The following ASIP variants were observed in gnomAD, a reference collection of about 807,000 sequenced individuals.
ASIP encodes agouti signaling protein.
In ASIP, 11 loss-of-function variants were observed where a neutral mutation model predicts 10.3. That is an observed-to-expected ratio of 1.07 (90% confidence interval 0.68 to 1.78). ASIP has a LOEUF of 1.78. Ranked by LOEUF, ASIP falls within the 40% of genes most tolerant of loss-of-function variation. ASIP has a pLI of 0.00. For missense variants in ASIP, 180 were observed against 169.2 expected (o/e 1.06, Z -0.35); for synonymous variants, 70 against 70.8 (o/e 0.99, Z 0.06).
rs1309013423 is a variant in ASIP at position 34,230,705 on chromosome 20, C to A, written c.-10-29660C>A. On this transcript the variant is annotated intron_variant, in intron 1 of 3. Transcript: ENST00000568305. Reference sequence around the variant, plus strand: ...ACCCCTCACCTCCCGGAAGGGGCGGCTGGCCGGGCGGGGGGCTGACCCCCC... The same window carrying A: ...ACCCCTCACCTCCCGGAAGGGGCGGATGGCCGGGCGGGGGGCTGACCCCCC... 8.5e-5 allele frequency among the ~76,000 whole-genome samples: 3 copies of A among 35,172 alleles called. 1 individual carries two copies. Among genetic ancestry groups the A allele is most frequent in the African/African-American group, 4.8e-4 (2 of 4,166 alleles). 23.1% of individuals were successfully genotyped at this position (35,172 alleles called of 152,430 possible).
At chr20:34,253,406 T>A (rs2035513318) in intron 1 of ASIP, among the ~76,000 whole-genome samples, 1 of 151,336 alleles carries the variant, frequency 6.6e-6, no homozygotes, top group African/African-American at 2.4e-5. Flanking sequence ...GCGCCCAGCC[T>A]GATCTCTCTT....
intron 1 of ASIP, among the ~76,000 whole-genome samples, chr20:34,227,155 C>A (rs80216391): frequency 6.6e-6 from 1 of 151,866 alleles, no homozygotes; most frequent in African/African-American, 2.4e-5. Context: ...TTGAAGCATA[C>A]AAGATTAATA....
At chr20:34,238,562 GT>G (rs948874832), upstream of ASIP, among the ~76,000 whole-genome samples, 1 of 151,616 alleles carries the variant, frequency 6.6e-6, no homozygotes, top group African/African-American at 2.4e-5. Context: ...GCTTGTACTT[GT>G]TTTTTTCACT....
chr20:34,227,957 A>G (rs1384876171), intron 1 of ASIP, among the ~76,000 whole-genome samples: 1 of 152,238 alleles, frequency 6.6e-6, no homozygotes, highest in South Asian at 2.1e-4. Context: ...AGACTCACAC[A>G]TGTATGGTCA....
intron 3 of ASIP, among the ~76,000 whole-genome samples, chr20:34,267,875 T>C (rs2122685366): frequency 6.6e-6 from 1 of 152,288 alleles, no homozygotes; most frequent in Non-Finnish European, 1.5e-5. Flanking sequence ...AATTGTAATA[T>C]TTTATTTAAC....
At chr20:34,251,564 G>A (rs371173330) in intron 1 of ASIP, among the ~76,000 whole-genome samples, 11 of 152,242 alleles carry the variant, frequency 7.2e-5, no homozygotes, top group South Asian at 4.2e-4. Flanking sequence ...ATGAGCCACC[G>A]CGCCTGACCT....
upstream of ASIP, among the ~76,000 whole-genome samples, chr20:34,238,623 A>T (rs1043207881): frequency 2.0e-5 from 3 of 151,796 alleles, no homozygotes; most frequent in Non-Finnish European, 4.4e-5. Context: ...AATTGTTTTA[A>T]TATATTTGTC....
intron 1 of ASIP, among the ~76,000 whole-genome samples, chr20:34,196,178 T>C (rs1281126278): frequency 1.5e-5 from 2 of 137,172 alleles, no homozygotes; most frequent in Middle Eastern, 3.3e-3. Flanking sequence ...GATTTCTTTT[T>C]TTTTTTTTTT....
chr20:34,219,898 G>A (rs1207325139), intron 1 of ASIP, among the ~76,000 whole-genome samples: 1 of 152,012 alleles, frequency 6.6e-6, no homozygotes, highest in Non-Finnish European at 1.5e-5. Flanking sequence ...GACCATCCTG[G>A]CTAACACGGT....
intron 1 of ASIP, among the ~76,000 whole-genome samples, chr20:34,199,423 C>T (rs1351630957): frequency 6.6e-6 from 1 of 152,106 alleles, no homozygotes; most frequent in Non-Finnish European, 1.5e-5. Context: ...TATCATTTTA[C>T]ACTCCCACCA....
At chr20:34,187,762 T>A in the ASIP span, among the ~76,000 whole-genome samples, 1 of 152,240 alleles carries the variant, frequency 6.6e-6, no homozygotes, top group Non-Finnish European at 1.5e-5. Flanking sequence ...AAGACACTCC[T>A]GAAGCACATC....
upstream of ASIP, among the ~76,000 whole-genome samples, chr20:34,237,902 T>G (rs2035231606): frequency 6.6e-6 from 1 of 152,178 alleles, no homozygotes. Flanking sequence ...CTGCATCAAT[T>G]GAGATAATCT....
chr20:34,203,066 C>T (rs1209045013), intron 1 of ASIP, among the ~76,000 whole-genome samples: 4 of 151,866 alleles, frequency 2.6e-5, no homozygotes, highest in Admixed American at 2.0e-4. Context: ...CCTCGGCCTC[C>T]CAAAGTGCTG....
At chr20:34,261,442 T>C (rs2035689716) in intron 2 of ASIP, among the ~76,000 whole-genome samples, 1 of 152,212 alleles carries the variant, frequency 6.6e-6, no homozygotes, top group Non-Finnish European at 1.5e-5. Flanking sequence ...AAGACCAGCC[T>C]GGTCAACAGG....
At chr20:34,242,192 T>TTTTTA (rs1020209368) in intron 1 of ASIP, among the ~76,000 whole-genome samples, 3 of 151,568 alleles carry the variant, frequency 2.0e-5, no homozygotes, top group Non-Finnish European at 2.9e-5. Flanking sequence ...CTTTTTAAAA[T>TTTTTA]TTTTATTTTA....
chr20:34,200,165 T>A (rs1420735340), intron 1 of ASIP, among the ~76,000 whole-genome samples: 1 of 152,212 alleles, frequency 6.6e-6, no homozygotes, highest in Non-Finnish European at 1.5e-5. Flanking sequence ...TCTTCAGATG[T>A]TTGGCTCTGA....
At position 34,222,902 on chromosome 20, in the gene ASIP, T is replaced by C. The variant is rs1043060860; in HGVS notation, c.-11+28142T>C. On this transcript the variant is annotated intron_variant, in intron 1 of 3. Coordinates refer to the ASIP transcript ENST00000568305. ...GCCTCGGCCTCCCGAGGTGCCGGGA[T>C]TGCAGACGGAGTCTCGTTCACTCAG... Among the ~76,000 whole-genome samples, 174 of 152,170 alleles carry C rather than the reference T, an allele frequency of 1.1e-3. 2 individuals are homozygous for C. Among genetic ancestry groups the C allele is most frequent in the Admixed American group, 7.9e-4 (12 of 15,286 alleles).
At chr20:34,215,258 A>G in intron 1 of ASIP, 1 of 1,550,384 alleles carries the variant, frequency 6.5e-7, no homozygotes. Context: ...CAAGAGACAT[A>G]AGCCCCAACT....
intron 1 of ASIP, among the ~76,000 whole-genome samples, chr20:34,218,596 A>G (rs1485115165): frequency 6.6e-6 from 1 of 152,070 alleles, no homozygotes; most frequent in African/African-American, 2.4e-5. Context: ...TAATCCCAGG[A>G]ATTTTTCACA....
Sources: allele counts gnomAD v4.1 joint callset (sites outside exome capture counted in the v4.1 genomes callset), GRCh38; gene constraint gnomAD v4.1.1; transcripts MANE v1.5; gene names NCBI Gene and HGNC (gene_info 2026-07-23, HGNC 2026-07-21).